Variants in FRMD4B observed in about 807,000 individuals in gnomAD.
The protein encoded by FRMD4B is FERM domain containing 4B, also known as FERM domain-containing protein 4B.
A neutral mutation model predicts 141.5 loss-of-function variants in FRMD4B; 74 were observed. The observed-to-expected ratio is 0.52, with a 90% CI of 0.43 to 0.63. FRMD4B has a LOEUF of 0.63. FRMD4B is among the 30% of genes least tolerant of loss of function. FRMD4B has a pLI of 0.00. For synonymous variants in FRMD4B, 506 were observed against 467.9 expected (o/e 1.08, Z -1.05); for missense variants, 1,366 against 1,253.4 (o/e 1.09, Z -1.36).
intron 1 of FRMD4B, among the ~76,000 whole-genome samples, chr3:69,476,713 TA>T (rs924883421): frequency 0.034 from 5,119 of 152,262 alleles, 275 homozygotes; most frequent in African/African-American, 0.12. Flanking sequence ...ATATGAACTT[TA>T]AAGTAGTTTT....
At chr3:69,362,702 C>CT (rs1021201463) in intron 1 of FRMD4B, among the ~76,000 whole-genome samples, 1 of 62,908 alleles carries the variant, frequency 1.6e-5, no homozygotes, top group Non-Finnish European at 2.7e-5. Flanking sequence ...AAAAGCCAAC[C>CT]CCCCCCCCAA....
At chr3:69,400,727 A>C (rs1704549855) in intron 2 of FRMD4B, among the ~76,000 whole-genome samples, 1 of 152,208 alleles carries the variant, frequency 6.6e-6, no homozygotes, top group Non-Finnish European at 1.5e-5. Flanking sequence ...TGATTCAAAT[A>C]AATCTTGACA....
intron 11 of FRMD4B, among the ~76,000 whole-genome samples, chr3:69,210,340 T>C (rs1484448104): frequency 6.6e-6 from 1 of 152,186 alleles, no homozygotes; most frequent in Non-Finnish European, 1.5e-5. Flanking sequence ...TCTGACCCAC[T>C]GTCTGCTTCT....
chr3:69,303,233 G>C (rs1701277808), intron 3 of FRMD4B, among the ~76,000 whole-genome samples: 1 of 76,226 alleles, frequency 1.3e-5, no homozygotes, highest in South Asian at 4.2e-4. Flanking sequence ...CAGGATGATC[G>C]CTCGAGCCCA....
intron 1 of FRMD4B, among the ~76,000 whole-genome samples, chr3:69,477,413 AG>A (rs1282351174): frequency 3.3e-5 from 5 of 150,224 alleles, no homozygotes; most frequent in East Asian, 3.9e-4. Flanking sequence ...TTTAGCATGA[AG>A]GGTTGTTGAA....
chr3:69,309,221 C>T (rs1184406260), intron 3 of FRMD4B, among the ~76,000 whole-genome samples: 1 of 152,006 alleles, frequency 6.6e-6, no homozygotes, highest in Non-Finnish European at 1.5e-5. Context: ...AACTCCTAGG[C>T]TCATGCAATC....
intron 7 of FRMD4B, among the ~76,000 whole-genome samples, chr3:69,238,895 A>G (rs1262870504): frequency 1.3e-5 from 2 of 152,184 alleles, no homozygotes; most frequent in Non-Finnish European, 2.9e-5. Flanking sequence ...GTGGTCGATT[A>G]TTACTATTGA....
intron 19 of FRMD4B, among the ~76,000 whole-genome samples, chr3:69,183,404 T>C (rs540825466): frequency 1.3e-5 from 2 of 151,950 alleles, no homozygotes; most frequent in South Asian, 2.1e-4. Flanking sequence ...TGCTGGTCCC[T>C]GGACTAAGAA....
At chr3:69,239,491 A>G (rs1380508566) in intron 7 of FRMD4B, among the ~76,000 whole-genome samples, 1 of 152,148 alleles carries the variant, frequency 6.6e-6, no homozygotes, top group African/African-American at 2.4e-5. Flanking sequence ...CTCCCTGAGG[A>G]CTCCGATCAT....
In FRMD4B at chr3:69,386,045, C is replaced by T. The variant is rs1704246059; in HGVS notation, c.-56G>A. The T allele has an allele frequency of 2.2e-6, 3 of 1,378,370 alleles. No individual in the cohort carries two copies. In the South Asian group the frequency reaches 5.1e-5, roughly 23 times the overall value. 85.4% of individuals were successfully genotyped at this position (1,378,370 alleles called of 1,614,324 possible). On this transcript the variant is annotated 5_prime_UTR_variant, in exon 1 of 23. Transcript: ENST00000398540. ...CCGGCTCTCGTACGTGCAGCCCCGA[C>T]CCCAGCGGCCTGCCCGCCTGGGCTC...
At position 69,363,248 on chromosome 3, in the gene FRMD4B, G is replaced by GTT. The variant is rs56074743; in HGVS notation, c.162+22578_162+22579dup. ...AAAAAGGATCACTTCTTTTTACCAT[G>GTT]TTTTTTTTTTTTTTTTAAATAGAGA... On this transcript the variant is annotated intron_variant, in intron 1 of 22. Coordinates refer to ENST00000398540, the MANE Select transcript of FRMD4B (RefSeq NM_015123.3). Among the ~76,000 whole-genome samples the GTT allele has an allele frequency of 7.6e-3, 1,015 of 132,704 alleles. 13 individuals are homozygous for GTT. Among genetic ancestry groups the GTT allele is most frequent in the African/African-American group, 0.022 (729 of 33,410 alleles). 87.1% of individuals were successfully genotyped at this position (132,704 alleles called of 152,430 possible). A position where few individuals can be genotyped will look rare whatever the true frequency, so the allele number is the denominator to read the frequency against.
chr3:69,207,221 C>A, intron 11 of FRMD4B, among the ~76,000 whole-genome samples: 1 of 150,186 alleles, frequency 6.7e-6, no homozygotes, highest in East Asian at 2.0e-4. Context: ...GGGAGGATTG[C>A]TTGAACTGAG....
At chr3:69,261,554 A>G (rs148663409) in intron 5 of FRMD4B, among the ~76,000 whole-genome samples, 8 of 152,376 alleles carry the variant, frequency 5.3e-5, no homozygotes, top group Non-Finnish European at 1.0e-4. Context: ...TGTCCGTGGT[A>G]TATCTGGTTG....
intron 1 of FRMD4B, among the ~76,000 whole-genome samples, chr3:69,433,918 A>G (rs1463835775): frequency 6.6e-6 from 1 of 152,184 alleles, no homozygotes; most frequent in Admixed American, 6.5e-5. Context: ...GTTTTAGTCT[A>G]AGCCCCCACT....
intron 4 of FRMD4B, among the ~76,000 whole-genome samples, chr3:69,298,411 G>A (rs1256427932): frequency 6.6e-6 from 1 of 152,136 alleles, no homozygotes; most frequent in Non-Finnish European, 1.5e-5. Flanking sequence ...TTACTAACTG[G>A]TCTTGCTGTG....
intron 3 of FRMD4B, among the ~76,000 whole-genome samples, chr3:69,304,474 A>T (rs1235505819): frequency 7.8e-6 from 1 of 128,010 alleles, no homozygotes; most frequent in Non-Finnish European, 1.6e-5. Context: ...ACAGAGCAAG[A>T]TTCTATCTCA....
chr3:69,397,959 T>A (rs1304590458), intron 2 of FRMD4B, among the ~76,000 whole-genome samples: 1 of 152,214 alleles, frequency 6.6e-6, no homozygotes, highest in Non-Finnish European at 1.5e-5. Flanking sequence ...TTGCTGAATA[T>A]TCCACAATGA....
chr3:69,486,966 C>A (rs1223550816), intron 1 of FRMD4B, among the ~76,000 whole-genome samples: 1 of 152,156 alleles, frequency 6.6e-6, no homozygotes, highest in East Asian at 1.9e-4. Context: ...TTGTTTGAGT[C>A]ACTATATTCC....
chr3:69,216,649 C>T (rs2093143750), intron 10 of FRMD4B, among the ~76,000 whole-genome samples: 1 of 151,902 alleles, frequency 6.6e-6, no homozygotes, highest in Non-Finnish European at 1.5e-5. Flanking sequence ...CTAGGATGGT[C>T]TTGATCTCCT....
Sources: allele counts gnomAD v4.1 joint callset (sites outside exome capture counted in the v4.1 genomes callset), GRCh38; gene constraint gnomAD v4.1.1; transcripts MANE v1.5; gene names NCBI Gene and HGNC (gene_info 2026-07-23, HGNC 2026-07-21).